TAS2R1: variants seen among roughly 807,000 people sequenced by gnomAD.
TAS2R1 encodes the protein taste receptor type 2 member 1.
For synonymous variants in TAS2R1, 141 were observed against 134.2 expected (o/e 1.05, Z -0.35); for missense variants, 370 against 353.4 (o/e 1.05, Z -0.38).
chr5:9,893,469 A>G, the TAS2R1 span, among the ~76,000 whole-genome samples: 1 of 152,202 alleles, frequency 6.6e-6, no homozygotes, highest in Non-Finnish European at 1.5e-5. Flanking sequence ...TTAAATGAGA[A>G]GTACCTAGAG....
the TAS2R1 span, among the ~76,000 whole-genome samples, chr5:9,819,854 G>T: frequency 6.6e-6 from 1 of 151,936 alleles, no homozygotes; most frequent in South Asian, 2.1e-4. Flanking sequence ...TGTTAACCCA[G>T]GCATACTGTA....
the TAS2R1 span, among the ~76,000 whole-genome samples, chr5:9,817,446 A>T: frequency 6.6e-6 from 1 of 152,222 alleles, no homozygotes; most frequent in East Asian, 1.9e-4. Flanking sequence ...TCTAGAAAAA[A>T]TTAAATTGAG....
At chr5:9,716,275 G>T (rs564934201), upstream of TAS2R1, among the ~76,000 whole-genome samples, 3 of 152,248 alleles carry the variant, frequency 2.0e-5, no homozygotes, top group South Asian at 6.2e-4. Flanking sequence ...GGGAAACTGG[G>T]ATTCAATCTG....
the TAS2R1 span, among the ~76,000 whole-genome samples, chr5:9,846,697 AAACT>A: frequency 1.3e-5 from 2 of 151,776 alleles, no homozygotes; most frequent in African/African-American, 4.8e-5. Context: ...ACACACACAC[AAACT>A]AAGACAAACA....
intron 1 of TAS2R1, among the ~76,000 whole-genome samples, chr5:9,707,229 G>A (rs1036905287): frequency 2.6e-5 from 4 of 152,146 alleles, no homozygotes; most frequent in African/African-American, 9.7e-5. Flanking sequence ...GGAGAAGAAT[G>A]AGAAGGCAGG....
At chr5:9,767,309 C>A in the TAS2R1 span, among the ~76,000 whole-genome samples, 1 of 151,988 alleles carries the variant, frequency 6.6e-6, no homozygotes, top group Non-Finnish European at 1.5e-5. Flanking sequence ...CTGACCCCAC[C>A]TGCTCCTTGC....
chr5:9,633,299 TATATATA>T (rs201009184), upstream of TAS2R1, among the ~76,000 whole-genome samples: 4,373 of 112,884 alleles, frequency 0.039, 165 homozygotes, highest in Middle Eastern at 0.085. Flanking sequence ...GTATATTATA[TATATATA>T]TATATATATA....
At chr5:9,798,911 C>G in the TAS2R1 span, among the ~76,000 whole-genome samples, 1 of 152,160 alleles carries the variant, frequency 6.6e-6, no homozygotes, top group East Asian at 1.9e-4. Context: ...CTGCCATCTT[C>G]CCACACAAAC....
At chr5:9,779,433 T>G in the TAS2R1 span, among the ~76,000 whole-genome samples, 2 of 152,244 alleles carry the variant, frequency 1.3e-5, no homozygotes, top group African/African-American at 4.8e-5. Flanking sequence ...TCACCAAGTT[T>G]AACCATTTCT....
intron 1 of TAS2R1, among the ~76,000 whole-genome samples, chr5:9,683,052 A>C (rs1279578932): frequency 1.3e-5 from 2 of 152,210 alleles, no homozygotes; most frequent in African/African-American, 2.4e-5. Flanking sequence ...ACAAAATACA[A>C]GGGCTCAGAG....
chr5:9,888,625 C>A, the TAS2R1 span, among the ~76,000 whole-genome samples: 7 of 152,198 alleles, frequency 4.6e-5, no homozygotes, highest in African/African-American at 1.7e-4. Context: ...TGCTGTCATT[C>A]CCCCAAAAGT....
At chr5:9,802,244 C>T in the TAS2R1 span, among the ~76,000 whole-genome samples, 2 of 152,174 alleles carry the variant, frequency 1.3e-5, no homozygotes, top group African/African-American at 2.4e-5. Context: ...AGACAGATCA[C>T]ATCACAGGAC....
the TAS2R1 span, among the ~76,000 whole-genome samples, chr5:9,739,579 A>T: frequency 6.6e-6 from 1 of 152,252 alleles, no homozygotes; most frequent in Non-Finnish European, 1.5e-5. Flanking sequence ...CACCATTATT[A>T]CATCTTAGTT....
intron 1 of TAS2R1, among the ~76,000 whole-genome samples, chr5:9,679,256 A>C (rs1423289856): frequency 6.6e-6 from 1 of 152,220 alleles, no homozygotes; most frequent in Non-Finnish European, 1.5e-5. Context: ...CAGTAAAACT[A>C]TTCTAAATAA....
the TAS2R1 span, among the ~76,000 whole-genome samples, chr5:9,756,223 C>T: frequency 6.6e-6 from 1 of 152,158 alleles, no homozygotes; most frequent in South Asian, 2.1e-4. Context: ...GCCTAAATTG[C>T]TGGCCTGTAC....
the TAS2R1 span, among the ~76,000 whole-genome samples, chr5:9,884,694 A>G: frequency 6.6e-6 from 1 of 152,186 alleles, no homozygotes; most frequent in Non-Finnish European, 1.5e-5. Context: ...AACCATTATT[A>G]TGCTGTCAGA....
chr5:9,737,044 C>T, the TAS2R1 span, among the ~76,000 whole-genome samples: 1 of 152,224 alleles, frequency 6.6e-6, no homozygotes, highest in Non-Finnish European at 1.5e-5. Flanking sequence ...TCTACCCTTT[C>T]TCATTGTGCT....
chr5:9,880,734 G>C, the TAS2R1 span, among the ~76,000 whole-genome samples: 1 of 152,150 alleles, frequency 6.6e-6, no homozygotes, highest in African/African-American at 2.4e-5. Context: ...ATTACTAAAG[G>C]CAAAAGCAGG....
the TAS2R1 span, among the ~76,000 whole-genome samples, chr5:9,780,410 G>C: frequency 5.3e-5 from 8 of 152,288 alleles, no homozygotes; most frequent in South Asian, 6.2e-4. Context: ...AGATTCCTTT[G>C]GCTAACTGGT....
Sources: gnomAD v4.1 joint callset for allele counts (sites outside exome capture counted in the v4.1 genomes callset) on GRCh38, gnomAD v4.1.1 for gene constraint, MANE v1.5 for transcripts, NCBI Gene and HGNC (gene_info 2026-07-23, HGNC 2026-07-21) for gene names.